NBDY: variants seen among roughly 807,000 people sequenced by gnomAD.
The protein encoded by NBDY is negative regulator of P-body association.
chrX:56,759,029 A>G (rs1270021885), intron 2 of NBDY, among the ~76,000 whole-genome samples: 1 of 111,729 alleles, frequency 9.0e-6, no homozygotes, highest in African/African-American at 3.3e-5. Flanking sequence ...GCAGCATGGA[A>G]CACAATGCTC....
At chrX:56,744,939 A>T (rs186886262) in intron 2 of NBDY, among the ~76,000 whole-genome samples, 2 of 111,722 alleles carry the variant, frequency 1.8e-5, no homozygotes, top group Non-Finnish European at 1.9e-5. Context: ...AGCAACTTCA[A>T]CACATGATTT....
chrX:56,794,296 C>T (rs1245108207), intron 2 of NBDY, among the ~76,000 whole-genome samples: 1 of 112,204 alleles, frequency 8.9e-6, no homozygotes, highest in African/African-American at 3.2e-5. Flanking sequence ...TTCAGAAACA[C>T]CTTCTGCTGG....
intron 1 of NBDY, among the ~76,000 whole-genome samples, chrX:56,731,015 G>T (rs780727155): frequency 9.0e-6 from 1 of 110,964 alleles, no homozygotes; most frequent in Non-Finnish European, 1.9e-5. Context: ...ATAGTGCCTA[G>T]TACATAATAG....
intron 2 of NBDY, among the ~76,000 whole-genome samples, chrX:56,809,153 C>T (rs926337184): frequency 8.9e-6 from 1 of 112,033 alleles, no homozygotes; most frequent in South Asian, 3.7e-4. Flanking sequence ...TTTGCATTTG[C>T]TGAGGAGTGT....
chrX:56,808,126 T>TTC (rs2069863596), intron 2 of NBDY, among the ~76,000 whole-genome samples: 1 of 112,285 alleles, frequency 8.9e-6, no homozygotes. Flanking sequence ...TTTATTGATT[T>TTC]GAATATGTTG....
chrX:56,805,833 T>A (rs892668538), intron 2 of NBDY, among the ~76,000 whole-genome samples: 4 of 111,891 alleles, frequency 3.6e-5, no homozygotes, highest in African/African-American at 1.3e-4. Context: ...ACTTTTTTTT[T>A]ATTATACTTA....
At chrX:56,806,142 A>G (rs2069848609) in intron 2 of NBDY, among the ~76,000 whole-genome samples, 1 of 111,872 alleles carries the variant, frequency 8.9e-6, no homozygotes, top group African/African-American at 3.3e-5. Context: ...TCTGCAAAGG[A>G]CATGAACTCA....
At chrX:56,766,269 G>A (rs903582294) in intron 2 of NBDY, among the ~76,000 whole-genome samples, 1 of 111,545 alleles carries the variant, frequency 9.0e-6, no homozygotes, top group Non-Finnish European at 1.9e-5. Flanking sequence ...TCTCTGCCAC[G>A]TGTTCATTTG....
At chrX:56,730,371 C>T (rs1448836409) in intron 1 of NBDY, among the ~76,000 whole-genome samples, 2 of 106,383 alleles carry the variant, frequency 1.9e-5, no homozygotes, top group African/African-American at 6.8e-5. Flanking sequence ...ATTAGCCAGG[C>T]GTGATGGTGG....
At chrX:56,789,491 T>G (rs2069749279) in intron 2 of NBDY, among the ~76,000 whole-genome samples, 2 of 112,235 alleles carry the variant, frequency 1.8e-5, no homozygotes, top group Non-Finnish European at 3.8e-5. Flanking sequence ...CATGATGGCA[T>G]GCACCACACT....
At chrX:56,808,954 G>A (rs1397041817) in intron 2 of NBDY, among the ~76,000 whole-genome samples, 2 of 112,515 alleles carry the variant, frequency 1.8e-5, no homozygotes, top group African/African-American at 3.2e-5. Context: ...ATTCTGGTAC[G>A]TTGTGTCTTT....
intron 2 of NBDY, among the ~76,000 whole-genome samples, chrX:56,814,747 C>A (rs2069903506): frequency 9.0e-6 from 1 of 111,010 alleles, no homozygotes; most frequent in Admixed American, 9.6e-5. Flanking sequence ...CTCACCTCGG[C>A]CTCCCAAAGT....
chrX:56,740,862 G>A (rs1433039069), intron 2 of NBDY, among the ~76,000 whole-genome samples: 1 of 110,602 alleles, frequency 9.0e-6, no homozygotes, highest in Non-Finnish European at 1.9e-5. Flanking sequence ...TATCCTTTGT[G>A]TTACAGACAA....
intron 2 of NBDY, among the ~76,000 whole-genome samples, chrX:56,755,186 C>A (rs1191084200): frequency 9.0e-6 from 1 of 111,694 alleles, no homozygotes; most frequent in Non-Finnish European, 1.9e-5. Flanking sequence ...CCATAAAAAC[C>A]CTAGAAGAAA....
intron 2 of NBDY, among the ~76,000 whole-genome samples, chrX:56,752,752 G>T (rs1298278892): frequency 1.8e-5 from 2 of 110,873 alleles, no homozygotes; most frequent in Non-Finnish European, 3.8e-5. Flanking sequence ...GGGATTACAG[G>T]TGCACACCAC....
intron 2 of NBDY, among the ~76,000 whole-genome samples, chrX:56,758,869 G>A (rs191780744): frequency 2.7e-3 from 304 of 111,644 alleles, no homozygotes; most frequent in African/African-American, 9.2e-3. Context: ...AGACGGTGGA[G>A]GACAAATTAT....
chrX:56,804,093 T>C, intron 2 of NBDY, among the ~76,000 whole-genome samples: 1 of 111,468 alleles, frequency 9.0e-6, no homozygotes, highest in African/African-American at 3.3e-5. Flanking sequence ...TGTGAGTGCA[T>C]GGGCCTGCTT....
intron 2 of NBDY, among the ~76,000 whole-genome samples, chrX:56,798,016 C>G (rs1336220409): frequency 2.7e-5 from 3 of 111,757 alleles, no homozygotes; most frequent in African/African-American, 9.8e-5. Context: ...GGGGCTCAAG[C>G]ATTCTCACAC....
At chrX:56,736,278 C>CT (rs765530149) in intron 2 of NBDY, among the ~76,000 whole-genome samples, 23 of 111,290 alleles carry the variant, frequency 2.1e-4, no homozygotes, top group East Asian at 5.7e-4. Context: ...CTATTTTTTT[C>CT]TTTTTTTTGA....
Sources: gnomAD v4.1 joint callset for allele counts (sites outside exome capture counted in the v4.1 genomes callset) on GRCh38, gnomAD v4.1.1 for gene constraint, MANE v1.5 for transcripts, NCBI Gene and HGNC (gene_info 2026-07-23, HGNC 2026-07-21) for gene names.